Variants in EMILIN2 observed in about 807,000 individuals in gnomAD.
EMILIN2 encodes EMILIN-2.
Under a neutral mutation model 87.1 loss-of-function variants are expected in EMILIN2, and 71 were observed. The observed-to-expected ratio is 0.82, with a 90% CI of 0.67 to 0.99. EMILIN2 has a LOEUF of 0.99. EMILIN2 is among the 50% of genes least tolerant of loss of function. The pLI, the probability that EMILIN2 is intolerant of heterozygous loss-of-function variation, is 0.00. For missense variants in EMILIN2, 1,407 were observed against 1,371.8 expected (o/e 1.03, Z -0.40); for synonymous variants, 581 against 563.4 (o/e 1.03, Z -0.44).
intron 2 of EMILIN2, among the ~76,000 whole-genome samples, chr18:2,849,382 C>T (rs943195538): frequency 6.6e-5 from 10 of 152,142 alleles, no homozygotes; most frequent in Admixed American, 2.6e-4. Context: ...GGTGACAATT[C>T]GGAGATAAAT....
At chr18:2,899,817 T>G (rs931680641) in intron 4 of EMILIN2, among the ~76,000 whole-genome samples, 4 of 152,186 alleles carry the variant, frequency 2.6e-5, no homozygotes, top group African/African-American at 9.7e-5. Flanking sequence ...CTTGTGAATT[T>G]CTAAAAAAAA....
chr18:2,910,471 G>A (rs576928295), intron 7 of EMILIN2, among the ~76,000 whole-genome samples: 10 of 152,278 alleles, frequency 6.6e-5, no homozygotes, highest in Middle Eastern at 3.4e-3. Context: ...TGCTCTGCCC[G>A]GACGGAGGGC....
chr18:2,903,452 C>T (rs893089626), intron 4 of EMILIN2, among the ~76,000 whole-genome samples: 5 of 152,178 alleles, frequency 3.3e-5, no homozygotes, highest in African/African-American at 1.2e-4. Context: ...CAGAGGCAGC[C>T]ACATGTAAAT....
At chr18:2,911,707 T>A (rs1471428101) in intron 7 of EMILIN2, among the ~76,000 whole-genome samples, 1 of 152,228 alleles carries the variant, frequency 6.6e-6, no homozygotes, top group African/African-American at 2.4e-5. Context: ...GGATGGTTCG[T>A]CTGCTTGGAC....
chr18:2,869,786 TTGTGTGTG>T (rs777623155), intron 2 of EMILIN2, among the ~76,000 whole-genome samples: 7 of 59,068 alleles, frequency 1.2e-4, no homozygotes, highest in East Asian at 1.1e-3. Context: ...GTGTGTGTGT[TTGTGTGTG>T]TGTGTGTGTG....
intron 2 of EMILIN2, among the ~76,000 whole-genome samples, chr18:2,852,622 G>T (rs953870275): frequency 4.6e-5 from 7 of 152,140 alleles, no homozygotes; most frequent in Admixed American, 4.6e-4. Flanking sequence ...GGGTTCAAGC[G>T]ATTCTCCTGC....
rs1051161766 is a variant in EMILIN2 at position 2,892,384 on chromosome 18, A to G, written c.2257A>G (p.Arg753Gly). 2 of 1,614,170 alleles carry G rather than the reference A, an allele frequency of 1.2e-6. No homozygotes were observed. Among genetic ancestry groups the G allele is most frequent in the Non-Finnish European group, 1.7e-6 (2 of 1,180,044 alleles). Residue 753 changes from arginine to glycine, a missense_variant, in exon 4 of 8, where the codon AGA (arginine) becomes GGA (glycine). Physicochemically the swap from Arg to Gly is moderately radical, Grantham distance 125. Transcript: ENST00000254528. ...QMNGTLRSHS[R>G]DISGLKNSVQ... Reference sequence around the variant, plus strand: ...GAACGGAACGCTCAGGTCGCATTCCAGAGACATTTCTGGCCTGAAGAATTC... The same window carrying G: ...GAACGGAACGCTCAGGTCGCATTCCGGAGACATTTCTGGCCTGAAGAATTC...
In EMILIN2 at chr18:2,849,835, C is replaced by T. The variant is rs190192687; in HGVS notation, c.257+1904C>T. ...GCTTCAGCAGTAAATTCAGTCTTGA[C>T]TTTTTTCAGTTTCTTTAGGGATGGA... On this transcript the variant is annotated intron_variant, in intron 2 of 7. Transcript: ENST00000254528. Among the ~76,000 whole-genome samples the T allele has an allele frequency of 4.3e-3, 662 of 152,236 alleles. 7 individuals are homozygous for T. Among genetic ancestry groups the T allele is most frequent in the African/African-American group, 0.015 (636 of 41,538 alleles).
At chr18:2,875,911 G>A (rs1470278519) in intron 2 of EMILIN2, among the ~76,000 whole-genome samples, 4 of 151,938 alleles carry the variant, frequency 2.6e-5, no homozygotes, top group African/African-American at 9.7e-5. Flanking sequence ...GATAAATTGT[G>A]GGGAAAACTT....
rs938909227 is a variant in EMILIN2, at chr18:2,894,058, C to T, written c.2359+1572C>T. Among the ~76,000 whole-genome samples, 4 of 152,150 alleles carry T rather than the reference C, an allele frequency of 2.6e-5. No homozygotes were observed. Among genetic ancestry groups the T allele is most frequent in the African/African-American group, 7.2e-5 (3 of 41,442 alleles). ...GACTTTTACCTCCCTGACCTGGTTC[C>T]GCTCTGGGTGACACAGGCCCTTGCA... On this transcript the variant is annotated intron_variant, in intron 4 of 7. Transcript: ENST00000254528. The surrounding 1 kb of genome is among the most constrained non-coding windows in gnomAD (Gnocchi z 5.0).
chr18:2,877,665 C>T (rs2076756190), intron 2 of EMILIN2, among the ~76,000 whole-genome samples: 1 of 151,656 alleles, frequency 6.6e-6, no homozygotes, highest in Non-Finnish European at 1.5e-5. Context: ...GTAATCCCAG[C>T]TACTCAGGAG....
chr18:2,904,122 C>A (rs1429778410), intron 4 of EMILIN2, among the ~76,000 whole-genome samples: 6 of 152,212 alleles, frequency 3.9e-5, no homozygotes, highest in Non-Finnish European at 8.8e-5. Context: ...TTGACAATTA[C>A]ATTCTAGCAT....
At chr18:2,876,368 TTG>T (rs1218882912) in intron 2 of EMILIN2, among the ~76,000 whole-genome samples, 4 of 152,132 alleles carry the variant, frequency 2.6e-5, no homozygotes, top group Non-Finnish European at 5.9e-5. Context: ...CAGCTTACAA[TTG>T]TGATTTCTCC....
intron 4 of EMILIN2, among the ~76,000 whole-genome samples, chr18:2,895,795 C>T (rs910559664): frequency 6.6e-6 from 1 of 152,206 alleles, no homozygotes; most frequent in Non-Finnish European, 1.5e-5. Flanking sequence ...ATTCTATTGT[C>T]AAAGCAGGTC....
In EMILIN2 at chr18:2,913,193, G is replaced by A. The variant is rs1361989440; in HGVS notation, c.2951G>A (p.Gly984Glu). ...NASVAQLHTAGYRREFLEYHR... is the reference protein window; with the variant it reads ...NASVAQLHTAEYRREFLEYHR... ...AGCGTGGCCCAGCTGCATACCGCTG[G>A]GTACAGGAGAGAGTTCCTGGAATAC... The change falls in exon 8 of 8, where the codon GGG becomes GAG. Residue 984 changes from glycine to glutamate, a missense_variant. Coordinates refer to ENST00000254528, the MANE Select transcript of EMILIN2 (RefSeq NM_032048.3). 4 of 1,613,878 alleles carry A rather than the reference G, an allele frequency of 2.5e-6. No homozygotes were observed. The highest frequency in any genetic ancestry group is 1.7e-5 in the Admixed American group (1 of 59,996).
At chr18:2,865,920 TC>T (rs1349459908) in intron 2 of EMILIN2, among the ~76,000 whole-genome samples, 1 of 152,130 alleles carries the variant, frequency 6.6e-6, no homozygotes, top group Non-Finnish European at 1.5e-5. Context: ...CAGGTGCCCC[TC>T]CCCCAGCCTC....
At chr18:2,857,156 A>C (rs2076631947) in intron 2 of EMILIN2, among the ~76,000 whole-genome samples, 1 of 152,220 alleles carries the variant, frequency 6.6e-6, no homozygotes, top group South Asian at 2.1e-4. Flanking sequence ...TACTCTTTGC[A>C]GTGTCAGCCT....
chr18:2,847,700 C>T lies in EMILIN2; in HGVS notation c.135-109C>T. 2.7e-6 allele frequency: 4 copies of T among 1,464,690 alleles called. No homozygotes were observed. The highest frequency in any genetic ancestry group is 2.5e-5 in the East Asian group (1 of 40,800). The allele number at this position is 1,464,690 out of a possible 1,614,324, so 90.7% of individuals were successfully genotyped here. A position where few individuals can be genotyped will look rare whatever the true frequency, so the allele number is the denominator to read the frequency against. ...AAGCTCCCGCCTCCGCAGAGGGCGA[C>T]GGGCCCCCCCGACCCTCGCTCGGTC... On this transcript the variant is annotated intron_variant, in intron 1 of 7. Coordinates refer to ENST00000254528, the MANE Select transcript of EMILIN2 (RefSeq NM_032048.3). This position sits in a 1 kb window ranked among gnomAD's most constrained non-coding sequence, Gnocchi z 4.5.
chr18:2,857,996 C>T (rs1213675299), intron 2 of EMILIN2, among the ~76,000 whole-genome samples: 2 of 152,126 alleles, frequency 1.3e-5, no homozygotes, highest in Admixed American at 1.3e-4. Context: ...CAAGGCAAGG[C>T]ACAGATCTCC....
Sources: gnomAD v4.1 joint callset for allele counts (sites outside exome capture counted in the v4.1 genomes callset) on GRCh38, gnomAD v4.1.1 for gene constraint, Gnocchi (gnomAD v3.1) non-coding constraint, MANE v1.5 for transcripts, NCBI Gene and HGNC (gene_info 2026-07-23, HGNC 2026-07-21) for gene names.